The following DMD variants were observed in gnomAD, a reference collection of about 807,000 sequenced individuals.
The protein encoded by DMD is dystrophin.
A neutral mutation model predicts 330.1 loss-of-function variants in DMD; 63 were observed. That is an observed-to-expected ratio of 0.19 (90% CI 0.16 to 0.24). The LOEUF (loss-of-function observed/expected upper bound fraction) is 0.24, where lower values mean the gene tolerates loss of function less well. Among genes scored for constraint, DMD ranks in the 10% least tolerant of loss-of-function variants. The pLI, the probability that DMD is intolerant of heterozygous loss-of-function variation, is 1.00. For missense variants in DMD, 3,344 were observed against 2,684.1 expected, an observed-to-expected ratio of 1.25 and a Z score of -5.43; for synonymous variants, 1,223 against 959.8, an observed-to-expected ratio of 1.27 and a Z score of -5.07.
chrX:31,454,592 C>T (rs1419779970), intron 59 of DMD, among the ~76,000 whole-genome samples: 1 of 111,699 alleles, frequency 9.0e-6, no homozygotes, highest in Non-Finnish European at 1.9e-5. Context: ...TAGTGTGCAT[C>T]TCATTGTCAT....
At chrX:33,330,534 A>G (rs965794862) in intron 1 of DMD, among the ~76,000 whole-genome samples, 1 of 111,986 alleles carries the variant, frequency 8.9e-6, no homozygotes. Flanking sequence ...TAAAGATAGC[A>G]TAGGAAAAAG....
chrX:31,612,739 C>G (rs754689234), intron 55 of DMD, among the ~76,000 whole-genome samples: 1 of 111,587 alleles, frequency 9.0e-6, no homozygotes, highest in East Asian at 2.8e-4. Flanking sequence ...CAAAGAAAAG[C>G]AAATAAAGAA....
chrX:33,110,721 C>A (rs933638435), intron 1 of DMD, among the ~76,000 whole-genome samples: 35 of 110,805 alleles, frequency 3.2e-4, no homozygotes, highest in African/African-American at 1.1e-3. Flanking sequence ...ATTAAGGACA[C>A]TGTATTTTGA....
intron 44 of DMD, among the ~76,000 whole-genome samples, chrX:32,032,937 T>C (rs1179237794): frequency 9.0e-6 from 1 of 111,090 alleles, no homozygotes; most frequent in Non-Finnish European, 1.9e-5. Flanking sequence ...GTAAAGGAGG[T>C]AGGGAAAAAA....
intron 34 of DMD, among the ~76,000 whole-genome samples, chrX:32,375,900 G>C (rs1309104775): frequency 9.0e-6 from 1 of 111,328 alleles, no homozygotes; most frequent in East Asian, 2.8e-4. Context: ...TTTTTAAAGG[G>C]CACAGCATTA....
Position 32,654,368 on chromosome X carries a change from G to A in DMD, c.961-9216C>T, listed in dbSNP as rs781234182. Among the ~76,000 whole-genome samples, 6 of 111,715 alleles carry A rather than the reference G, an allele frequency of 5.4e-5. No homozygotes were observed. In the East Asian group the frequency reaches 1.1e-3, roughly 21 times the overall value. On this transcript the variant is annotated intron_variant, in intron 9 of 78. Transcript: ENST00000357033. The stretch of plus-strand genomic sequence containing the variant: ...GAGAGTTTTTAGCATGAAGGTTGTT[G>A]AATTTTGTCAAAGGCCTTTTCTGCA...
chrX:33,223,272 T>C (rs5972782), intron 1 of DMD, among the ~76,000 whole-genome samples: 5,636 of 111,433 alleles, frequency 0.051, 148 homozygotes, highest in Non-Finnish European at 0.075. Context: ...GATCATGCCA[T>C]TGCACTCCAG....
In DMD at chrX:32,697,870, C is replaced by T. The variant is rs772656026; in HGVS notation, c.960G>A (p.Gln320=). The change falls in exon 9 of 79, where the codon CAG becomes CAA. Residue 320 remains glutamine, a splice_region_variant and synonymous_variant. Transcript: ENST00000357033. ...SDPTRSPFPS[Q]HLEAPEDKSF... ...CAACAGAGAGTAAATGTTGACAGAC[C>T]TGTGAAGGAAATGGGCTCCGTGTAG... 7 of 1,210,310 alleles carry T rather than the reference C, an allele frequency of 5.8e-6. No homozygotes were observed. The highest frequency in any genetic ancestry group is 7.8e-6 in the Non-Finnish European group (7 of 894,908).
chrX:32,406,422 G>A lies in DMD; in HGVS notation c.4233+5330C>T, dbSNP rs578043001. ...GATAGCTCTTATTATTTTGAGATTT[G>A]TCCCATCAATACCTAATTTATTGAG... is the stretch of plus-strand genomic sequence containing the variant. On this transcript the variant is annotated intron_variant, in intron 30 of 78. Coordinates refer to ENST00000357033, the MANE Select transcript of DMD (RefSeq NM_004006.3). 2.1e-3 allele frequency among the ~76,000 whole-genome samples: 231 copies of A among 110,389 alleles called. 2 individuals carry two copies. Among genetic ancestry groups the A allele is most frequent in the African/African-American group, 7.4e-3 (222 of 29,880 alleles).
intron 1 of DMD, among the ~76,000 whole-genome samples, chrX:33,048,687 C>T (rs2094417405): frequency 1.4e-5 from 1 of 73,100 alleles, no homozygotes; most frequent in African/African-American, 5.2e-5. Flanking sequence ...GAGCGAGACT[C>T]CCCATCTAAA....
intron 7 of DMD, among the ~76,000 whole-genome samples, chrX:32,762,235 C>A (rs1437434984): frequency 9.1e-6 from 1 of 110,310 alleles, no homozygotes; most frequent in Admixed American, 9.6e-5. Context: ...GAGAGTGTTA[C>A]TGAGTTAAGC....
chrX:31,753,175 G>A (rs993482106), intron 51 of DMD, among the ~76,000 whole-genome samples: 8 of 111,856 alleles, frequency 7.2e-5, no homozygotes, highest in Non-Finnish European at 1.3e-4. Flanking sequence ...GGGAGGTGGC[G>A]AGGCAGCCCC....
chrX:31,183,241 A>C (rs2041355336), intron 67 of DMD, among the ~76,000 whole-genome samples: 1 of 108,502 alleles, frequency 9.2e-6, no homozygotes, highest in South Asian at 4.2e-4. Context: ...CTGATACATA[A>C]AAGTTAGCCA....
intron 44 of DMD, among the ~76,000 whole-genome samples, chrX:32,083,414 C>G (rs975050632): frequency 1.8e-5 from 2 of 109,866 alleles, no homozygotes; most frequent in Admixed American, 9.7e-5. Flanking sequence ...CATGCCACTA[C>G]GCCCGGCTGA....
chrX:31,775,498 G>A (rs1196517589), intron 50 of DMD, among the ~76,000 whole-genome samples: 1 of 110,949 alleles, frequency 9.0e-6, no homozygotes, highest in East Asian at 2.8e-4. Flanking sequence ...TATCAGAGGT[G>A]AGTGGTGAGG....
intron 44 of DMD, among the ~76,000 whole-genome samples, chrX:32,011,499 A>G (rs982910289): frequency 5.4e-5 from 6 of 111,892 alleles, no homozygotes; most frequent in Admixed American, 9.5e-5. Context: ...ATGTGTGGCA[A>G]TAGCAGGGAA....
chrX:33,100,169 C>A (rs1274313370), intron 1 of DMD, among the ~76,000 whole-genome samples: 1 of 111,295 alleles, frequency 9.0e-6, no homozygotes, highest in South Asian at 3.7e-4. Flanking sequence ...AGGGGCACAC[C>A]AACTCAGTAT....
chrX:31,367,632 G>A (rs955662831), intron 60 of DMD, among the ~76,000 whole-genome samples: 2 of 111,559 alleles, frequency 1.8e-5, no homozygotes, highest in Non-Finnish European at 3.8e-5. Context: ...TATTGAGTGC[G>A]TGCTTTGTGC....
intron 6 of DMD, among the ~76,000 whole-genome samples, chrX:32,809,992 C>T: frequency 1.0e-5 from 1 of 99,450 alleles, no homozygotes; most frequent in Non-Finnish European, 2.0e-5. Context: ...TGTGGTGTCA[C>T]ATGCCTACAG....
Sources: gnomAD v4.1 joint callset for allele counts (sites outside exome capture counted in the v4.1 genomes callset) on GRCh38, gnomAD v4.1.1 for gene constraint, MANE v1.5 for transcripts, NCBI Gene and HGNC (gene_info 2026-07-23, HGNC 2026-07-21) for gene names.